SLC44A5: variants seen among roughly 807,000 people sequenced by gnomAD.
SLC44A5 encodes the protein solute carrier family 44 member 5, also known as choline transporter-like protein 5.
A neutral mutation model predicts 101.8 loss-of-function variants in SLC44A5; 57 were observed. That is an observed-to-expected ratio of 0.56 (90% CI 0.45 to 0.70). SLC44A5 has a LOEUF of 0.70. SLC44A5 is among the 30% of genes least tolerant of loss of function. The pLI, the probability that SLC44A5 is intolerant of heterozygous loss-of-function variation, is 0.00. For synonymous variants in SLC44A5, 281 were observed against 290.9 expected, an observed-to-expected ratio of 0.97 and a Z score of 0.35; for missense variants, 737 against 853.1, an observed-to-expected ratio of 0.86 and a Z score of 1.70.
intron 3 of SLC44A5, among the ~76,000 whole-genome samples, chr1:75,345,279 T>C (rs1430881242): frequency 6.6e-6 from 1 of 150,554 alleles, no homozygotes; most frequent in African/African-American, 2.5e-5. Flanking sequence ...GTATCCCATA[T>C]TGGTGAATAA....
At chr1:75,709,492 CTT>C in the SLC44A5 span, among the ~76,000 whole-genome samples, 3 of 152,150 alleles carry the variant, frequency 2.0e-5, no homozygotes, top group African/African-American at 7.2e-5. Flanking sequence ...AAGCTCAAGT[CTT>C]TGAAGTATGA....
intron 2 of SLC44A5, among the ~76,000 whole-genome samples, chr1:75,517,225 A>C (rs1379176581): frequency 1.3e-5 from 2 of 152,178 alleles, no homozygotes; most frequent in Non-Finnish European, 2.9e-5. Flanking sequence ...GACTATATAG[A>C]ATGTGTGAGA....
the SLC44A5 span, among the ~76,000 whole-genome samples, chr1:75,674,121 G>T: frequency 1.3e-5 from 2 of 151,998 alleles, no homozygotes; most frequent in African/African-American, 4.8e-5. Context: ...TCCAGACAGA[G>T]AATTCAAAAG....
chr1:75,650,413 A>T, the SLC44A5 span, among the ~76,000 whole-genome samples: 28 of 152,366 alleles, frequency 1.8e-4, no homozygotes, highest in Admixed American at 1.6e-3. Context: ...ACAAGATGAC[A>T]CATAAAACAA....
At chr1:75,499,519 C>T (rs1373974562) in intron 2 of SLC44A5, among the ~76,000 whole-genome samples, 1 of 152,222 alleles carries the variant, frequency 6.6e-6, no homozygotes, top group East Asian at 1.9e-4. Context: ...GGGAACCCTG[C>T]TCTAAGGTGT....
chr1:75,383,868 C>G (rs1261478320), intron 3 of SLC44A5, among the ~76,000 whole-genome samples: 2 of 152,144 alleles, frequency 1.3e-5, no homozygotes, highest in Admixed American at 6.5e-5. Flanking sequence ...TCAGCAGAAA[C>G]CCTACAAGCC....
intron 4 of SLC44A5, among the ~76,000 whole-genome samples, chr1:75,321,480 G>C (rs1296845070): frequency 6.7e-6 from 1 of 149,592 alleles, no homozygotes; most frequent in Non-Finnish European, 1.5e-5. Context: ...GAGAGAGAGA[G>C]ATCATCCCTA....
chr1:75,241,894 A>C, intron 9 of SLC44A5, 107 bp downstream of exon 9: 1 of 919,906 alleles, frequency 1.1e-6, no homozygotes, highest in Admixed American at 1.9e-5. Flanking sequence ...TTAGGCAGTC[A>C]GAGGACCATT....
Position 75,346,738 on chromosome 1 carries a change from A to G in SLC44A5, c.53-7108T>C, listed in dbSNP as rs145032310. ...TTTTCTAACATTTCTTTCTAGCTATATTTGTATTTTATTGCTCAACATGAA... is the reference window on the plus strand; with the variant it reads ...TTTTCTAACATTTCTTTCTAGCTATGTTTGTATTTTATTGCTCAACATGAA... On this transcript the variant is annotated intron_variant, in intron 3 of 23. Transcript: ENST00000370859. Among the ~76,000 whole-genome samples the G allele has an allele frequency of 3.4e-3, 511 of 152,176 alleles. 3 individuals are homozygous for G. Among genetic ancestry groups the G allele is most frequent in the African/African-American group, 0.012 (485 of 41,550 alleles).
intron 1 of SLC44A5, among the ~76,000 whole-genome samples, chr1:75,547,435 C>A (rs909661238): frequency 2.0e-5 from 3 of 152,116 alleles, no homozygotes; most frequent in Non-Finnish European, 2.9e-5. Flanking sequence ...AGCATTTCTT[C>A]AAAGAATTGT....
rs187696018 is a variant in SLC44A5, at chr1:75,465,159, T to C, written c.14-68538A>G. Among the ~76,000 whole-genome samples the C allele has an allele frequency of 3.9e-4, 59 of 152,270 alleles. 1 individual carries two copies. In the East Asian group the frequency reaches 7.9e-3, roughly 20 times the overall value. ...TTAGGTCACAAAACTAGTCTTAAAA[T>C]ATTTTTAAATGAAATAATATCAGTC... On this transcript the variant is annotated intron_variant, in intron 2 of 23. Coordinates refer to ENST00000370859, the MANE Select transcript of SLC44A5 (RefSeq NM_001130058.2).
At chr1:75,398,420 C>A (rs543739982) in intron 2 of SLC44A5, 4 of 985,088 alleles carry the variant, frequency 4.1e-6, no homozygotes, top group South Asian at 9.4e-5. Flanking sequence ...TAATCTCAGA[C>A]CCTGCCAATG....
intron 6 of SLC44A5, among the ~76,000 whole-genome samples, chr1:75,271,654 T>C (rs944222703): frequency 5.9e-5 from 9 of 152,074 alleles, no homozygotes; most frequent in Non-Finnish European, 7.4e-5. Context: ...TTTCATTCCT[T>C]TTTATGGCTG....
chr1:75,339,208 A>G (rs1173992249), intron 4 of SLC44A5, among the ~76,000 whole-genome samples: 1 of 152,006 alleles, frequency 6.6e-6, no homozygotes, highest in Non-Finnish European at 1.5e-5. Context: ...TGGCATGGCA[A>G]CTCTGCATTT....
At chr1:75,431,944 G>A (rs369640209) in intron 2 of SLC44A5, among the ~76,000 whole-genome samples, 2 of 152,142 alleles carry the variant, frequency 1.3e-5, no homozygotes, top group South Asian at 2.1e-4. Context: ...TCACAGTGTC[G>A]AATTTTAGTG....
At chr1:75,339,695 TGAA>T in intron 3 of SLC44A5, 65 bp from the exon 4 acceptor site, 1 of 1,408,768 alleles carries the variant, frequency 7.1e-7, no homozygotes, top group Non-Finnish European at 9.9e-7. Flanking sequence ...AAAATATTAA[TGAA>T]GAAATATCTA....
intron 4 of SLC44A5, among the ~76,000 whole-genome samples, chr1:75,313,257 A>G (rs1457608314): frequency 6.6e-6 from 1 of 152,144 alleles, no homozygotes; most frequent in African/African-American, 2.4e-5. Flanking sequence ...GTTGAAATGG[A>G]TATGAATGGA....
intron 1 of SLC44A5, among the ~76,000 whole-genome samples, chr1:75,543,006 A>G (rs1194610741): frequency 2.6e-5 from 4 of 152,164 alleles, no homozygotes; most frequent in Non-Finnish European, 1.5e-5. Flanking sequence ...AAAAGAGTCT[A>G]TATATTATTC....
At chr1:75,595,872 T>C (rs947062687) in intron 1 of SLC44A5, among the ~76,000 whole-genome samples, 38 of 152,186 alleles carry the variant, frequency 2.5e-4, no homozygotes, top group African/African-American at 8.9e-4. Context: ...AAATGAATGA[T>C]ATTTGAAATA....
Sources: allele counts gnomAD v4.1 joint callset (sites outside exome capture counted in the v4.1 genomes callset), GRCh38; gene constraint gnomAD v4.1.1; transcripts MANE v1.5; gene names NCBI Gene and HGNC (gene_info 2026-07-23, HGNC 2026-07-21).